The following ASIP variants were observed in gnomAD, a reference collection of about 807,000 sequenced individuals.
The protein encoded by ASIP is agouti signaling protein.
A neutral mutation model predicts 10.3 loss-of-function variants in ASIP; 11 were observed. That is an observed-to-expected ratio of 1.07 (90% CI 0.68 to 1.78). ASIP has a LOEUF of 1.78. ASIP is among the 40% of genes most tolerant of loss of function. ASIP has a pLI of 0.00. For synonymous variants in ASIP, 70 were observed against 70.8 expected, an observed-to-expected ratio of 0.99 and a Z score of 0.06; for missense variants, 180 against 169.2, an observed-to-expected ratio of 1.06 and a Z score of -0.35.
chr20:34,261,689 C>G (rs1027250661), intron 2 of ASIP, among the ~76,000 whole-genome samples: 4 of 151,984 alleles, frequency 2.6e-5, no homozygotes, highest in Admixed American at 6.6e-5. Context: ...ATGGTTCCAG[C>G]TATTTGGGAG....
At chr20:34,261,762 A>G (rs2035696650) in intron 2 of ASIP, among the ~76,000 whole-genome samples, 1 of 152,132 alleles carries the variant, frequency 6.6e-6, no homozygotes, top group Non-Finnish European at 1.5e-5. Context: ...TGATCACACC[A>G]TTGCACTCCA....
the ASIP span, among the ~76,000 whole-genome samples, chr20:34,187,276 A>G: frequency 6.6e-6 from 1 of 152,180 alleles, no homozygotes; most frequent in African/African-American, 2.4e-5. Flanking sequence ...GTATTTGGTC[A>G]TAGCACTAAA....
chr20:34,243,800 C>T (rs1186407505), intron 1 of ASIP, among the ~76,000 whole-genome samples: 3 of 150,010 alleles, frequency 2.0e-5, no homozygotes, highest in Non-Finnish European at 4.4e-5. Context: ...CGCGGTGGCT[C>T]ACGCCTGTAA....
upstream of ASIP, among the ~76,000 whole-genome samples, chr20:34,193,181 T>A (rs1353308060): frequency 2.0e-5 from 3 of 152,250 alleles, no homozygotes; most frequent in African/African-American, 7.2e-5. Context: ...TATGTGAGCA[T>A]GCTTACATGG....
chr20:34,193,878 G>A (rs1195202554), upstream of ASIP, among the ~76,000 whole-genome samples: 1 of 152,200 alleles, frequency 6.6e-6, no homozygotes, highest in Non-Finnish European at 1.5e-5. Context: ...GGCATCCGAG[G>A]AACCTAAATG....
At chr20:34,190,127 G>A (rs919527499), upstream of ASIP, among the ~76,000 whole-genome samples, 8 of 152,160 alleles carry the variant, frequency 5.3e-5, no homozygotes, top group African/African-American at 1.9e-4. Flanking sequence ...TCCGTGTGAT[G>A]CTAACCTGGG....
At chr20:34,206,595 T>C (rs1221175258) in intron 1 of ASIP, among the ~76,000 whole-genome samples, 1 of 152,216 alleles carries the variant, frequency 6.6e-6, no homozygotes, top group Non-Finnish European at 1.5e-5. Context: ...TTTTTGTTTT[T>C]TGAGACAAAG....
intron 1 of ASIP, among the ~76,000 whole-genome samples, chr20:34,201,487 G>A (rs1386246962): frequency 6.6e-6 from 1 of 152,048 alleles, no homozygotes; most frequent in Non-Finnish European, 1.5e-5. Flanking sequence ...ATAACAAACA[G>A]GTGTAAAAAA....
chr20:34,217,209 A>T lies in ASIP; in HGVS notation c.-11+22449A>T, dbSNP rs149473841. ...TCCCAACACTTTGAGAGGCCAAGGCAGGTGGATCACTTGAGCGCAGGAATT... is the reference window on the plus strand; with the variant it reads ...TCCCAACACTTTGAGAGGCCAAGGCTGGTGGATCACTTGAGCGCAGGAATT... On this transcript the variant is annotated intron_variant, in intron 1 of 3. Coordinates refer to the ASIP transcript ENST00000568305. Among the ~76,000 whole-genome samples, 614 of 152,160 alleles carry T rather than the reference A, an allele frequency of 4.0e-3. 4 individuals carry two copies. Among genetic ancestry groups the T allele is most frequent in the African/African-American group, 0.014 (591 of 41,464 alleles).
chr20:34,188,122 G>A, the ASIP span, among the ~76,000 whole-genome samples: 427 of 152,280 alleles, frequency 2.8e-3, 3 homozygotes, highest in African/African-American at 1.0e-2. Flanking sequence ...CCAGCATCCC[G>A]ATATTTATTG....
At chr20:34,203,221 G>A (rs1029676017) in intron 1 of ASIP, among the ~76,000 whole-genome samples, 3 of 152,054 alleles carry the variant, frequency 2.0e-5, no homozygotes, top group African/African-American at 7.2e-5. Flanking sequence ...TAATATGAAA[G>A]TCTTTACAAT....
chr20:34,196,385 G>A (rs905094815), intron 1 of ASIP, among the ~76,000 whole-genome samples: 1 of 151,820 alleles, frequency 6.6e-6, no homozygotes, highest in Non-Finnish European at 1.5e-5. Context: ...GTGTTAGCCA[G>A]GATGGTCTCG....
In ASIP at chr20:34,260,428, C is replaced by T; in HGVS notation, c.54C>T (p.Phe18=). ...LATLLVFLCF[F]TANSHLPPEE... ...CCCTGCTGGTCTTCCTCTGCTTCTT[C>T]ACTGCCAACAGCCACCTGCCACCTG... The change falls in exon 2 of 4, where the codon TTC becomes TTT. Residue 18 remains phenylalanine, a synonymous_variant. Coordinates refer to ENST00000374954, the MANE Select transcript of ASIP (RefSeq NM_001672.3). 1 of 1,614,160 alleles carries T rather than the reference C, an allele frequency of 6.2e-7. No individual in the cohort carries two copies. The highest frequency in any genetic ancestry group is 8.5e-7 in the Non-Finnish European group (1 of 1,180,002).
chr20:34,252,868 A>G (rs1464202989), intron 1 of ASIP, among the ~76,000 whole-genome samples: 2 of 152,194 alleles, frequency 1.3e-5, no homozygotes, highest in Non-Finnish European at 2.9e-5. Flanking sequence ...GAGAATGGCG[A>G]TGACTTTTAC....
At chr20:34,201,028 C>CTTTCTTTCTT (rs2034893556) in intron 1 of ASIP, among the ~76,000 whole-genome samples, 3 of 90,668 alleles carry the variant, frequency 3.3e-5, no homozygotes, top group African/African-American at 1.9e-4. Context: ...TTCTTTCTTT[C>CTTTCTTTCTT]TTTCTTTCTT....
chr20:34,213,724 C>G (rs2034989435), intron 1 of ASIP: 1 of 1,512,646 alleles, frequency 6.6e-7, no homozygotes, highest in Admixed American at 1.7e-5. Context: ...TTCCTCCAGG[C>G]AAATAATCAT....
At chr20:34,261,570 C>G (rs2035692195) in intron 2 of ASIP, among the ~76,000 whole-genome samples, 1 of 150,824 alleles carries the variant, frequency 6.6e-6, no homozygotes, top group Non-Finnish European at 1.5e-5. Context: ...GGAGTTTGAG[C>G]CTACAATGAG....
At chr20:34,205,872 T>C (rs2034933373) in intron 1 of ASIP, among the ~76,000 whole-genome samples, 1 of 151,506 alleles carries the variant, frequency 6.6e-6, no homozygotes, top group Non-Finnish European at 1.5e-5. Flanking sequence ...CACAGAGTGC[T>C]GATTGGTGCA....
chr20:34,186,970 C>T, the ASIP span, among the ~76,000 whole-genome samples: 2 of 152,212 alleles, frequency 1.3e-5, no homozygotes, highest in African/African-American at 4.8e-5. Flanking sequence ...CGTGCCACCA[C>T]ACCTGGTGGC....
Sources: allele counts gnomAD v4.1 joint callset (sites outside exome capture counted in the v4.1 genomes callset), GRCh38; gene constraint gnomAD v4.1.1; transcripts MANE v1.5; gene names NCBI Gene and HGNC (gene_info 2026-07-23, HGNC 2026-07-21).